Variants in EZH2 observed in about 807,000 individuals in gnomAD.
EZH2 encodes the protein histone-lysine N-methyltransferase EZH2.
A neutral mutation model predicts 98.4 loss-of-function variants in EZH2; 18 were observed. The ratio of observed to expected loss-of-function variants is 0.18; its 90% CI spans 0.13 to 0.27. EZH2 has a LOEUF of 0.27. EZH2 is among the 10% of genes least tolerant of loss of function. EZH2 has a pLI of 1.00. For missense variants in EZH2, 470 were observed against 935.1 expected (o/e 0.50, Z 6.49); for synonymous variants, 338 against 312.3 (o/e 1.08, Z -0.87).
intron 1 of EZH2, among the ~76,000 whole-genome samples, chr7:148,862,740 C>A (rs753871238): frequency 6.6e-6 from 1 of 152,140 alleles, no homozygotes; most frequent in Non-Finnish European, 1.5e-5. Flanking sequence ...GTTACAACTG[C>A]ATGCACGCAA....
intron 3 of EZH2, among the ~76,000 whole-genome samples, chr7:148,838,578 A>C (rs772520215): frequency 6.6e-6 from 1 of 152,234 alleles, no homozygotes; most frequent in Non-Finnish European, 1.5e-5. Context: ...TTCTAATTCA[A>C]TAACAGTCCT....
intron 3 of EZH2, among the ~76,000 whole-genome samples, chr7:148,834,352 T>TACACAC (rs10542159): frequency 1.4e-5 from 2 of 143,316 alleles, no homozygotes; most frequent in Non-Finnish European, 3.1e-5. Flanking sequence ...TATATATATA[T>TACACAC]ACACACACAC....
At chr7:148,869,836 A>G (rs1369791129) in intron 1 of EZH2, among the ~76,000 whole-genome samples, 1 of 152,238 alleles carries the variant, frequency 6.6e-6, no homozygotes, top group Non-Finnish European at 1.5e-5. Flanking sequence ...GCTACGTGCC[A>G]AGGAAATACA....
chr7:148,865,773 T>C (rs1463598028), intron 1 of EZH2, among the ~76,000 whole-genome samples: 1 of 152,210 alleles, frequency 6.6e-6, no homozygotes, highest in Admixed American at 6.5e-5. Context: ...TTCTATATTC[T>C]GAAGACAGAA....
chr7:148,884,291 C>T lies in EZH2; in HGVS notation c.-135G>A. The T allele has an allele frequency of 5.4e-6, 1 of 185,890 alleles. No individual in the cohort carries two copies. Among genetic ancestry groups the T allele is most frequent in the Non-Finnish European group, 1.1e-5 (1 of 87,652 alleles). 11.5% of individuals were successfully genotyped at this position (185,890 alleles called of 1,614,324 possible). On this transcript the variant is annotated 5_prime_UTR_variant, in exon 1 of 20. Transcript: ENST00000320356. ...GGACGCGACCGGACCGAGCGCCAAA[C>T]GCGGCAGCCCAATCGCCATCGCTTT...
rs1319998961 is a variant in EZH2, at chr7:148,832,717, G to C, written c.280C>G (p.Gln94Glu). 2 of 1,608,798 alleles carry C rather than the reference G, an allele frequency of 1.2e-6. No individual in the cohort carries two copies. The highest frequency in any genetic ancestry group is 8.5e-7 in the Non-Finnish European group (1 of 1,176,728). ...SVTSDLDFPT[Q>E]VIPLKTLNAV... ...TTCAGAGTCTTTAATGGGATGACTT[G>C]TGTTGGAAAATCCAAGTCACTGGTC... is the stretch of plus-strand genomic sequence containing the variant. Residue 94 changes from glutamine (Q) to glutamate (E), a missense_variant, in exon 4 of 20, where the codon CAA (glutamine) becomes GAA (glutamate). Gln to Glu is a conservative substitution (Grantham distance 29). Around this residue, in one of 6 missense-constraint regions of EZH2, gnomAD observed 79 missense variants for 122.1 expected, o/e 0.65. Coordinates refer to ENST00000320356, the MANE Select transcript of EZH2 (RefSeq NM_004456.5).
chr7:148,820,369 A>AC (rs1805690018), intron 8 of EZH2, among the ~76,000 whole-genome samples: 1 of 152,204 alleles, frequency 6.6e-6, no homozygotes, highest in South Asian at 2.1e-4. Context: ...AGCAGTGCTA[A>AC]CTTCACAGAA....
At chr7:148,809,526 A>G (rs1584866811) in intron 17 of EZH2, 136 bp from the exon 18 acceptor site, 1 of 598,918 alleles carries the variant, frequency 1.7e-6, no homozygotes, top group Non-Finnish European at 2.9e-6. Context: ...AAGCAGCTTC[A>G]TTCAGTAAGA....
intron 1 of EZH2, among the ~76,000 whole-genome samples, chr7:148,866,624 A>C (rs34900401): frequency 6.9e-6 from 1 of 145,856 alleles, no homozygotes; most frequent in Non-Finnish European, 1.5e-5. Flanking sequence ...ATATATGCAT[A>C]TATGTATATA....
chr7:148,868,507 T>G (rs1818865457), intron 1 of EZH2, among the ~76,000 whole-genome samples: 1 of 152,160 alleles, frequency 6.6e-6, no homozygotes, highest in Admixed American at 6.5e-5. Flanking sequence ...GGGAAAAGTC[T>G]GCCCCCATGA....
In EZH2 at chr7:148,826,598, C is replaced by T. The variant is rs2129475540; in HGVS notation, c.763G>A (p.Ala255Thr). The change falls in exon 8 of 20, where the codon GCA becomes ACA. Residue 255 changes from alanine to threonine, a missense_variant. Around this residue, in one of 6 missense-constraint regions of EZH2, gnomAD observed 192 missense variants for 306.8 expected, o/e 0.63. Transcript: ENST00000320356. ...TTGGGGGTACATTCAGGAGGAAGTG[C>T]GCCTGGGAGCTGCTGTTCGGTGAGT... is the stretch of plus-strand genomic sequence containing the variant. ...KELTEQQLPG[A>T]LPPECTPNID... is the part of the protein sequence containing the mutation. 6.4e-7 allele frequency: 1 copy of T among 1,555,662 alleles called. No homozygotes were observed.
chr7:148,827,438 A>C (rs1308668544), intron 6 of EZH2, among the ~76,000 whole-genome samples, 172 bp from the exon 7 acceptor site: 1 of 152,234 alleles, frequency 6.6e-6, no homozygotes, highest in Admixed American at 6.5e-5. Flanking sequence ...AATGCCAGTC[A>C]GTCAAAAACA....
intron 3 of EZH2, among the ~76,000 whole-genome samples, chr7:148,843,582 AGTTTTTTT>A (rs1813071492): frequency 1.6e-5 from 2 of 121,794 alleles, no homozygotes; most frequent in Admixed American, 2.0e-4. Flanking sequence ...TGGGAGTATA[AGTTTTTTT>A]TTTTTTTTTT....
intron 3 of EZH2, among the ~76,000 whole-genome samples, chr7:148,836,111 T>C (rs1398137208): frequency 6.6e-6 from 1 of 152,176 alleles, no homozygotes; most frequent in African/African-American, 2.4e-5. Context: ...GAGCCAAGTG[T>C]GGCTTCACCT....
chr7:148,827,410 T>G, intron 6 of EZH2, 144 bp from the exon 7 acceptor site: 2 of 618,168 alleles, frequency 3.2e-6, no homozygotes, highest in African/African-American at 1.8e-5. Context: ...ACTTCTCACA[T>G]ACTTTACATG....
intron 1 of EZH2, among the ~76,000 whole-genome samples, chr7:148,878,951 G>A (rs187929812): frequency 2.6e-5 from 4 of 152,078 alleles, no homozygotes; most frequent in Admixed American, 6.6e-5. Context: ...CCAGGCGTGC[G>A]CAGTAGCTCA....
intron 1 of EZH2, among the ~76,000 whole-genome samples, chr7:148,851,591 C>T (rs1011250130): frequency 2.0e-5 from 3 of 152,120 alleles, no homozygotes; most frequent in Non-Finnish European, 2.9e-5. Context: ...TTCAAGGCCA[C>T]GTACAGTGGT....
chr7:148,849,566 G>A lies in EZH2; in HGVS notation c.-7-2261C>T, dbSNP rs940414378. On this transcript the variant is annotated intron_variant, in intron 1 of 19. Transcript: ENST00000320356. ...AGTTTCCAAGTGTGGCCTTGCCTGC[G>A]AGTTGCTAAAGTGGAATAAAGCTGA... is the stretch of plus-strand genomic sequence containing the variant. 5.3e-5 allele frequency among the ~76,000 whole-genome samples: 8 copies of A among 152,134 alleles called. No homozygotes were observed. In the East Asian group the frequency reaches 9.6e-4, roughly 18 times the overall value.
chr7:148,835,872 C>CACTA (rs1422355156), intron 3 of EZH2, among the ~76,000 whole-genome samples: 6 of 152,156 alleles, frequency 3.9e-5, no homozygotes, highest in African/African-American at 1.4e-4. Flanking sequence ...TATGGTTGCT[C>CACTA]TAGTGATACA....
Sources: gnomAD v4.1 joint callset for allele counts (sites outside exome capture counted in the v4.1 genomes callset) on GRCh38, gnomAD v4.1.1 for gene constraint, gnomAD v4.1.1 regional missense constraint, MANE v1.5 for transcripts, NCBI Gene and HGNC (gene_info 2026-07-23, HGNC 2026-07-21) for gene names.